Variants in KIAA1217 observed in about 807,000 individuals in gnomAD.
KIAA1217 encodes KIAA1217, also known as sickle tail protein homolog.
A neutral mutation model predicts 163.9 loss-of-function variants in KIAA1217; 88 were observed. The ratio of observed to expected loss-of-function variants is 0.54; its 90% CI spans 0.45 to 0.64. The LOEUF is 0.64. Ranked by LOEUF, KIAA1217 falls within the 30% of genes least tolerant of loss-of-function variation. The probability of loss-of-function intolerance (pLI) is 0.00; values close to 1 mark genes in which losing one functional copy is unlikely to be tolerated. For missense variants in KIAA1217, 2,372 were observed against 2,475.0 expected, an observed-to-expected ratio of 0.96 and a Z score of 0.88; for synonymous variants, 903 against 923.1, an observed-to-expected ratio of 0.98 and a Z score of 0.39.
At chr10:23,790,430 CATATACATATATACAT>C (rs1464940101) in intron 1 of KIAA1217, among the ~76,000 whole-genome samples, 5 of 73,744 alleles carry the variant, frequency 6.8e-5, no homozygotes, top group African/African-American at 2.9e-4. Context: ...TACATATATA[CATATACATATATACAT>C]ATATACATGT....
rs542063329 is a variant in KIAA1217 at position 24,018,192 on chromosome 10, A to G, written c.-171+10818A>G. The stretch of plus-strand genomic sequence containing the variant: ...CCAAACAAAAAGTCACCAAACACAA[A>G]AAAGTGAGAACCCATTAGCAAAAGC... On this transcript the variant is annotated intron_variant, in intron 2 of 18. Coordinates refer to the KIAA1217 transcript ENST00000376462. Among the ~76,000 whole-genome samples the G allele has an allele frequency of 4.1e-4, 63 of 152,226 alleles. No homozygotes were observed. The Middle Eastern group carries it at 0.01, about 25-fold the overall frequency.
chr10:24,000,057 C>A (rs1310608186), intron 1 of KIAA1217, among the ~76,000 whole-genome samples: 1 of 152,116 alleles, frequency 6.6e-6, no homozygotes, highest in East Asian at 1.9e-4. Flanking sequence ...TAGAGTAAGA[C>A]CCTATCTAAC....
At chr10:24,363,302 G>A (rs945145894) in intron 2 of KIAA1217, among the ~76,000 whole-genome samples, 15 of 152,020 alleles carry the variant, frequency 9.9e-5, no homozygotes, top group African/African-American at 3.6e-4. Context: ...ATCAGCATTA[G>A]GAAAGAAACT....
At chr10:23,848,737 C>T (rs761446028) in intron 1 of KIAA1217, among the ~76,000 whole-genome samples, 1 of 152,036 alleles carries the variant, frequency 6.6e-6, no homozygotes, top group African/African-American at 2.4e-5. Context: ...TCTTATATAT[C>T]TATTGAATTA....
chr10:24,541,969 C>T (rs2075164353), intron 17 of KIAA1217, among the ~76,000 whole-genome samples: 1 of 152,234 alleles, frequency 6.6e-6, no homozygotes, highest in Admixed American at 6.5e-5. Flanking sequence ...ATTGTAACAG[C>T]ATGATCACTC....
intron 1 of KIAA1217, among the ~76,000 whole-genome samples, chr10:23,837,714 TA>T (rs1235896011): frequency 6.6e-6 from 1 of 152,034 alleles, no homozygotes; most frequent in Non-Finnish European, 1.5e-5. Context: ...TGTTGTTGTT[TA>T]TTTTTTTTAG....
chr10:24,542,759 GAAT>G lies in KIAA1217; in HGVS notation c.3602_3604del (p.Glu1201_Phe1202delinsVal). ...TGAATATGAAAATGGCCCCCAAATG[GAAT>G]TCCAAAAGGTGAGTTCACCAGATCT... On this transcript the variant is annotated inframe_deletion, in exon 18 of 21. Coordinates refer to ENST00000376454, the MANE Select transcript of KIAA1217 (RefSeq NM_019590.5). 1 of 1,614,092 alleles carries G rather than the reference GAAT, an allele frequency of 6.2e-7. No individual in the cohort carries two copies. The highest frequency in any genetic ancestry group is 1.1e-5 in the South Asian group (1 of 91,078).
At chr10:23,747,904 T>C (rs1254973360) in intron 1 of KIAA1217, among the ~76,000 whole-genome samples, 1 of 152,180 alleles carries the variant, frequency 6.6e-6, no homozygotes, top group African/African-American at 2.4e-5. Context: ...TGTTTTGCAA[T>C]GAGAGCCAGT....
intron 2 of KIAA1217, among the ~76,000 whole-genome samples, chr10:24,138,658 A>AAC (rs1165078557): frequency 6.7e-6 from 1 of 150,150 alleles, no homozygotes; most frequent in Non-Finnish European, 1.5e-5. Context: ...AAAAAAAAAA[A>AAC]ACCACTCCAA....
At chr10:24,154,883 C>T (rs1211629063) in intron 2 of KIAA1217, among the ~76,000 whole-genome samples, 1 of 149,630 alleles carries the variant, frequency 6.7e-6, no homozygotes, top group Non-Finnish European at 1.5e-5. Flanking sequence ...GCCAAGATTT[C>T]GCCACTGCAC....
chr10:24,300,191 G>A (rs552734254), intron 2 of KIAA1217, among the ~76,000 whole-genome samples: 2 of 152,196 alleles, frequency 1.3e-5, no homozygotes, highest in Non-Finnish European at 2.9e-5. Flanking sequence ...TATAAATTTT[G>A]CATTCAAAAT....
chr10:23,856,426 A>G (rs1001643773), intron 1 of KIAA1217, among the ~76,000 whole-genome samples: 3 of 152,114 alleles, frequency 2.0e-5, no homozygotes, highest in African/African-American at 4.8e-5. Flanking sequence ...CCCCTACTGG[A>G]GGGTGCCTCC....
At chr10:23,736,468 C>T (rs988487435) in intron 1 of KIAA1217, among the ~76,000 whole-genome samples, 1 of 152,168 alleles carries the variant, frequency 6.6e-6, no homozygotes. Context: ...AGTTGTCTAT[C>T]CTAAGCCAGT....
rs1003441886 is a variant in KIAA1217, at chr10:23,709,857, A to G, written c.-321+14623A>G. ...GGGCCCACAGTCTGAAAGCTTAGCCATTGTGCCATGTTGTCACTAGCTGGG... is the reference window on the plus strand; with the variant it reads ...GGGCCCACAGTCTGAAAGCTTAGCCGTTGTGCCATGTTGTCACTAGCTGGG... On this transcript the variant is annotated intron_variant, in intron 1 of 18. Transcript: ENST00000376462. Among the ~76,000 whole-genome samples the G allele has an allele frequency of 5.3e-5, 8 of 152,196 alleles. No homozygotes were observed. In the South Asian group the frequency reaches 1.2e-3, roughly 24 times the overall value.
chr10:23,864,871 G>T (rs895752697), intron 1 of KIAA1217, among the ~76,000 whole-genome samples: 3 of 152,166 alleles, frequency 2.0e-5, no homozygotes, highest in African/African-American at 7.2e-5. Context: ...TCTGAAGGCA[G>T]TCTGGAGGTA....
chr10:23,890,662 G>C (rs1009859829), intron 1 of KIAA1217, among the ~76,000 whole-genome samples: 7 of 151,828 alleles, frequency 4.6e-5, no homozygotes, highest in African/African-American at 1.7e-4. Context: ...TATACACTTT[G>C]GCATACAGCC....
At position 23,904,802 on chromosome 10, in the gene KIAA1217, T is replaced by C. The variant is rs144558772; in HGVS notation, c.-320-102423T>C. Among the ~76,000 whole-genome samples the C allele has an allele frequency of 4.3e-3, 650 of 152,222 alleles. 9 individuals carry two copies. Among genetic ancestry groups the C allele is most frequent in the African/African-American group, 0.014 (589 of 41,562 alleles). On this transcript the variant is annotated intron_variant, in intron 1 of 18. Transcript: ENST00000376462. Reference sequence around the variant, plus strand: ...TGACACCACATCTACATTATCTTATTGACCATTTAATCTTTCAAAGAGCTC... The same window carrying C: ...TGACACCACATCTACATTATCTTATCGACCATTTAATCTTTCAAAGAGCTC...
rs34032762 is a variant in KIAA1217, at chr10:24,531,687, AG to A, written c.3083-140del. The A allele has an allele frequency of 1.6e-5, 11 of 676,434 alleles. No homozygotes were observed. The South Asian group carries it at 3.5e-4, about 22-fold the overall frequency. The allele number at this position is 676,434 out of a possible 1,614,324, so 41.9% of individuals were successfully genotyped here. A position where few individuals can be genotyped will look rare whatever the true frequency, so the allele number is the denominator to read the frequency against. ...TGGGATTTAAATCCAGTCACTCTTTAGGGTCTATACACTTAATCCTTGCTCT... is the reference window on the plus strand; with the variant it reads ...TGGGATTTAAATCCAGTCACTCTTTAGGTCTATACACTTAATCCTTGCTCT... On this transcript the variant is annotated intron_variant, in intron 14 of 20. Coordinates refer to ENST00000376454, the MANE Select transcript of KIAA1217 (RefSeq NM_019590.5).
intron 2 of KIAA1217, among the ~76,000 whole-genome samples, chr10:24,064,545 G>A (rs917944805): frequency 6.6e-6 from 1 of 152,178 alleles, no homozygotes; most frequent in Non-Finnish European, 1.5e-5. Context: ...CGGTTTGCCA[G>A]TATTTTATTG....
Sources: allele counts gnomAD v4.1 joint callset (sites outside exome capture counted in the v4.1 genomes callset), GRCh38; gene constraint gnomAD v4.1.1; transcripts MANE v1.5; gene names NCBI Gene and HGNC (gene_info 2026-07-23, HGNC 2026-07-21).